The following VPS50 variants were observed in gnomAD, a reference collection of about 807,000 sequenced individuals.
VPS50 encodes the protein VPS50 subunit of EARP/GARPII complex.
Under a neutral mutation model 139.7 loss-of-function variants are expected in VPS50, and 70 were observed. That is an observed-to-expected ratio of 0.50 (90% CI 0.41 to 0.61). VPS50 has a LOEUF of 0.61. Ranked by LOEUF, VPS50 falls within the 20% of genes least tolerant of loss-of-function variation. The pLI is 0.00. For synonymous variants in VPS50, 365 were observed against 376.7 expected (o/e 0.97, Z 0.36); for missense variants, 921 against 1,133.7 (o/e 0.81, Z 2.69).
chr7:93,302,146 T>C (rs1441259927), intron 16 of VPS50, among the ~76,000 whole-genome samples: 2 of 152,206 alleles, frequency 1.3e-5, no homozygotes, highest in Non-Finnish European at 2.9e-5. Context: ...TTTTCTACTT[T>C]TAGTTCTTAC....
At chr7:93,349,827 G>A in intron 24 of VPS50, 48 bp from the exon 25 acceptor site, 2 of 1,457,516 alleles carry the variant, frequency 1.4e-6, no homozygotes, top group Non-Finnish European at 1.9e-6. Flanking sequence ...TTATCAATAT[G>A]ATACTTTTAG....
intron 22 of VPS50, among the ~76,000 whole-genome samples, chr7:93,337,090 A>G (rs191111625): frequency 2.6e-5 from 4 of 152,190 alleles, no homozygotes; most frequent in African/African-American, 9.6e-5. Context: ...TCAGCTTGAC[A>G]TTTTCGTGAC....
At chr7:93,352,047 C>T (rs1375462304) in intron 25 of VPS50, among the ~76,000 whole-genome samples, 1 of 151,918 alleles carries the variant, frequency 6.6e-6, no homozygotes, top group Non-Finnish European at 1.5e-5. Flanking sequence ...CTTATATTGC[C>T]CCAAAAGAAT....
In VPS50 at chr7:93,311,187, A is replaced by C; in HGVS notation, c.1770A>C (p.Lys590Asn). 1 of 1,339,412 alleles carries C rather than the reference A, an allele frequency of 7.5e-7. No homozygotes were observed. The highest frequency in any genetic ancestry group is 1.1e-6 in the Non-Finnish European group (1 of 929,594). The allele number at this position is 1,339,412 out of a possible 1,614,324, so 83.0% of individuals were successfully genotyped here. A position where few individuals can be genotyped will look rare whatever the true frequency, so the allele number is the denominator to read the frequency against. ...CAAGTGTTTCTCGGGAAACTCTAAA[A>C]AGCAGGAAGAAATCAGATTACAGTC... ...PVKSVSRETL[K>N]SRKKSDYSLN... Residue 590 changes from lysine (K) to asparagine (N), a missense_variant, in exon 20 of 28, where the codon AAA (lysine) becomes AAC (asparagine). This residue lies in a region of VPS50 where 744 missense variants were observed against 930.6 expected (regional missense o/e 0.80). Coordinates refer to ENST00000305866, the MANE Select transcript of VPS50 (RefSeq NM_017667.4).
chr7:93,248,934 A>G (rs1390336404), intron 2 of VPS50, among the ~76,000 whole-genome samples: 5 of 152,128 alleles, frequency 3.3e-5, no homozygotes, highest in Non-Finnish European at 4.4e-5. Flanking sequence ...AAAGGAGAGG[A>G]TATTTTATAG....
At chr7:93,352,936 G>A (rs1282236087) in intron 25 of VPS50, among the ~76,000 whole-genome samples, 4 of 152,098 alleles carry the variant, frequency 2.6e-5, no homozygotes, top group Admixed American at 6.5e-5. Context: ...CGAAAATCCA[G>A]TATTTCAAAT....
intron 23 of VPS50, among the ~76,000 whole-genome samples, chr7:93,342,282 C>T (rs915132046): frequency 1.1e-4 from 17 of 152,338 alleles, no homozygotes; most frequent in African/African-American, 2.6e-4. Flanking sequence ...GCTTAAAAAA[C>T]GGTGCATCAG....
chr7:93,236,347 T>A (rs1042545407), intron 1 of VPS50, among the ~76,000 whole-genome samples: 29 of 152,160 alleles, frequency 1.9e-4, no homozygotes, highest in African/African-American at 6.8e-4. Flanking sequence ...AGGGACTGGG[T>A]GTAAACACTC....
rs1798769278 is a variant in VPS50, at chr7:93,358,516, C to T, written c.*80C>T. On this transcript the variant is annotated 3_prime_UTR_variant, in exon 28 of 28. Coordinates refer to ENST00000305866, the MANE Select transcript of VPS50 (RefSeq NM_017667.4). ...TGAAAGCCAGTTTTTTTATGCACTT[C>T]TGACAACTATCTGCTAAGAAAACTT... is the stretch of plus-strand genomic sequence containing the variant. 1 of 1,144,314 alleles carries T rather than the reference C, an allele frequency of 8.7e-7. No homozygotes were observed. The highest frequency in any genetic ancestry group is 2.1e-5 in the Admixed American group (1 of 47,690). The allele number at this position is 1,144,314 out of a possible 1,614,324, so 70.9% of individuals were successfully genotyped here. A position where few individuals can be genotyped will look rare whatever the true frequency, so the allele number is the denominator to read the frequency against.
Position 93,259,625 on chromosome 7 carries a change from T to TGTATAAGGTAAGG in VPS50, c.653_659+6dup. 6.4e-7 allele frequency: 1 copy of TGTATAAGGTAAGG among 1,553,454 alleles called. No homozygotes were observed. The highest frequency in any genetic ancestry group is 2.2e-5 in the East Asian group (1 of 44,478). On this transcript the variant is annotated stop_gained and frameshift_variant, in exon 9 of 28. Coordinates refer to ENST00000305866, the MANE Select transcript of VPS50 (RefSeq NM_017667.4). LOFTEE classifies it high-confidence loss of function. ...TGCCAGCACTTTTAAACATTACAGT[T>TGTATAAGGTAAGG]GTATAAGGTAAGGTCATGTAAATGT...
At chr7:93,322,577 G>A (rs1196032215) in intron 20 of VPS50, among the ~76,000 whole-genome samples, 1 of 138,782 alleles carries the variant, frequency 7.2e-6, no homozygotes, top group Non-Finnish European at 1.5e-5. Context: ...TCCAGCCTGG[G>A]CGACAGAGCG....
intron 9 of VPS50, among the ~76,000 whole-genome samples, chr7:93,260,731 T>A (rs1795642729): frequency 6.6e-6 from 1 of 152,128 alleles, no homozygotes; most frequent in Admixed American, 6.6e-5. Flanking sequence ...AGTCTCACTC[T>A]GTCGCCCAGG....
At chr7:93,295,246 T>C (rs990273707) in intron 14 of VPS50, among the ~76,000 whole-genome samples, 28 of 152,094 alleles carry the variant, frequency 1.8e-4, no homozygotes, top group Admixed American at 1.8e-3. Context: ...GCCAGCATTG[T>C]TGGGAGGGAG....
intron 9 of VPS50, among the ~76,000 whole-genome samples, chr7:93,270,156 G>A (rs1176595806): frequency 6.6e-6 from 1 of 151,372 alleles, no homozygotes; most frequent in African/African-American, 2.4e-5. Flanking sequence ...GAATTAAAGG[G>A]GGAAAAATCT....
At chr7:93,233,607 A>C (rs1407769429) in intron 1 of VPS50, among the ~76,000 whole-genome samples, 1 of 152,234 alleles carries the variant, frequency 6.6e-6, no homozygotes, top group Non-Finnish European at 1.5e-5. Context: ...TTATGAAAAT[A>C]TAATCAAAAT....
At position 93,344,214 on chromosome 7, in the gene VPS50, A is replaced by G. The variant is rs1407992429; in HGVS notation, c.2207+2639A>G. Reference sequence around the variant, plus strand: ...GATAAAACAGACTTTAAACCAACAAAGATCAAAAGAGACAAAGAAGGCCAT... The same window carrying G: ...GATAAAACAGACTTTAAACCAACAAGGATCAAAAGAGACAAAGAAGGCCAT... On this transcript the variant is annotated intron_variant, in intron 23 of 27. Coordinates refer to ENST00000305866, the MANE Select transcript of VPS50 (RefSeq NM_017667.4). Among the ~76,000 whole-genome samples the G allele has an allele frequency of 4.6e-5, 7 of 152,328 alleles. No individual in the cohort carries two copies. In the South Asian group the frequency reaches 1.5e-3, roughly 32 times the overall value.
rs1562844556 is a variant in VPS50, at chr7:93,239,889, C to T, written c.57C>T (p.Ser19=). 1 of 1,605,128 alleles carries T rather than the reference C, an allele frequency of 6.2e-7. No individual in the cohort carries two copies. The highest frequency in any genetic ancestry group is 8.5e-7 in the Non-Finnish European group (1 of 1,172,374). Residue 19 remains serine (S), a synonymous_variant, in exon 2 of 28, where the codon AGC becomes AGT. Transcript: ENST00000305866. ...AGGGTCTGAAAAGCCCTCAAGAAAG[C>T]CTCAGTGATCTTGGTGCCATAGAGA... The part of the protein sequence containing the change: ...TRQGLKSPQE[S]LSDLGAIESL...
Position 93,316,022 on chromosome 7 carries a change from G to GATGATTAATTTTCCTTTT in VPS50, c.1855+4751_1855+4768dup, listed in dbSNP as rs1456578180. ...ACAGAAAAGAGGCAAGAGAAAGAAT[G>GATGATTAATTTTCCTTTT]ATGATTAATTTTCCTTTTTGGGTAG... On this transcript the variant is annotated intron_variant, in intron 20 of 27. Coordinates refer to ENST00000305866, the MANE Select transcript of VPS50 (RefSeq NM_017667.4). Among the ~76,000 whole-genome samples, 7 of 152,270 alleles carry GATGATTAATTTTCCTTTT rather than the reference G, an allele frequency of 4.6e-5. No individual in the cohort carries two copies. In the East Asian group the frequency reaches 1.3e-3, roughly 29 times the overall value.
chr7:93,264,351 T>C lies in VPS50; in HGVS notation c.659+4719T>C, dbSNP rs138503448. Among the ~76,000 whole-genome samples, 329 of 152,346 alleles carry C rather than the reference T, an allele frequency of 2.2e-3. 1 individual carries two copies. Among genetic ancestry groups the C allele is most frequent in the African/African-American group, 7.5e-3 (311 of 41,586 alleles). ...TATTGAGAATAAGAATCAGAATGTG[T>C]TTATGCTAAAGTGCATCTATGAATG... On this transcript the variant is annotated intron_variant, in intron 9 of 27. Coordinates refer to ENST00000305866, the MANE Select transcript of VPS50 (RefSeq NM_017667.4).
Sources: gnomAD v4.1 joint callset for allele counts (sites outside exome capture counted in the v4.1 genomes callset) on GRCh38, gnomAD v4.1.1 for gene constraint, gnomAD v4.1.1 regional missense constraint, MANE v1.5 for transcripts, NCBI Gene and HGNC (gene_info 2026-07-23, HGNC 2026-07-21) for gene names.